Variants in ABCA6 observed in about 807,000 individuals in gnomAD.
ABCA6 encodes the protein ATP-binding cassette sub-family A member 6.
In ABCA6, 164 loss-of-function variants were observed where a neutral mutation model predicts 191.2. The observed-to-expected ratio is 0.86, with a 90% confidence interval of 0.76 to 0.98. The LOEUF (loss-of-function observed/expected upper bound fraction) is 0.98, where lower values mean the gene tolerates loss of function less well. ABCA6 is among the 50% of genes least tolerant of loss of function. ABCA6 has a pLI of 0.00. For synonymous variants in ABCA6, 636 were observed against 647.7 expected, an observed-to-expected ratio of 0.98 and a Z score of 0.27; for missense variants, 1,958 against 1,894.1, an observed-to-expected ratio of 1.03 and a Z score of -0.63.
At chr17:69,083,180 G>A (rs753588757) in intron 35 of ABCA6, 32 bp downstream of exon 35, 1 of 1,568,860 alleles carries the variant, frequency 6.4e-7, no homozygotes, top group Non-Finnish European at 8.6e-7. Context: ...CTCATTTTGA[G>A]CATCAAATGC....
intron 37 of ABCA6, 83 bp downstream of exon 37, chr17:69,080,983 G>T (rs191767675): frequency 2.3e-6 from 2 of 866,866 alleles, no homozygotes; most frequent in Middle Eastern, 2.3e-4. Context: ...TTAAAAAATT[G>T]TTACACAATT....
Position 69,088,212 on chromosome 17 carries a change from TC to T in ABCA6, c.3652del (p.Glu1218AsnfsTer2). The T allele has an allele frequency of 6.2e-7, 1 of 1,612,880 alleles. No individual in the cohort carries two copies. The highest frequency in any genetic ancestry group is 8.5e-7 in the Non-Finnish European group (1 of 1,179,378). On this transcript the variant is annotated frameshift_variant, in exon 28 of 39. Coordinates refer to ENST00000284425, the MANE Select transcript of ABCA6 (RefSeq NM_080284.3). LOFTEE classifies it high-confidence loss of function. ...LLFVFVLRCM[E>X]LKCGKKRMRK... The stretch of plus-strand genomic sequence containing the variant: ...CATTCTTTTCTTTCCACATTTTAGT[TC>T]CATGCATCTTAGAACAAAAACGAAT...
Position 69,097,967 on chromosome 17 carries a change from A to C in ABCA6, c.3073T>G (p.Cys1025Gly), listed in dbSNP as rs760048687. 1.2e-6 allele frequency: 2 copies of C among 1,612,206 alleles called. No individual in the cohort carries two copies. The highest frequency in any genetic ancestry group is 2.2e-5 in the South Asian group (2 of 90,764). Residue 1025 changes from cysteine (C) to glycine (G), a missense_variant, in exon 23 of 39, where the codon TGT becomes GGT. Physicochemically the swap from Cys to Gly is radical, Grantham distance 159. Coordinates refer to ENST00000284425, the MANE Select transcript of ABCA6 (RefSeq NM_080284.3). ...ATGGTGATATAAGGAGAAATGCTAC[A>C]TAGAACCAAAAATAAGAAAAAGGAA... ...DGSFFLFLVLCSISPYITMGS... is the reference protein window; with the variant it reads ...DGSFFLFLVLGSISPYITMGS...
chr17:69,085,805 G>T, intron 30 of ABCA6, 89 bp from the exon 31 acceptor site: 1 of 860,524 alleles, frequency 1.2e-6, no homozygotes. Context: ...TGAGATTTCT[G>T]CACCCTTCAG....
chr17:69,097,400 A>G (rs970707756), intron 23 of ABCA6, among the ~76,000 whole-genome samples: 8 of 152,134 alleles, frequency 5.3e-5, no homozygotes, highest in African/African-American at 1.9e-4. Flanking sequence ...CAAAAAAAAA[A>G]AAAAAAAAGT....
At chr17:69,086,596 T>A (rs1461255943) in intron 30 of ABCA6, 22 bp downstream of exon 30, 1 of 1,556,632 alleles carries the variant, frequency 6.4e-7, no homozygotes, top group Non-Finnish European at 8.8e-7. Flanking sequence ...AATGGTAAGT[T>A]TTAAAAGGGA....
chr17:69,098,955 T>C (rs1158416254), intron 22 of ABCA6, among the ~76,000 whole-genome samples: 4 of 152,164 alleles, frequency 2.6e-5, no homozygotes, highest in Non-Finnish European at 4.4e-5. Flanking sequence ...CATGTATTAT[T>C]ACCACAACAA....
At position 69,122,388 on chromosome 17, in the gene ABCA6, T is replaced by C. The variant is rs1313724448; in HGVS notation, c.1436+851A>G. On this transcript the variant is annotated intron_variant, in intron 10 of 38. Transcript: ENST00000284425. ...AAGCTATTTTGAAATCCATGATACTTGGGTTCAATCCCAAAACTGCTGAGT... is the reference window on the plus strand; with the variant it reads ...AAGCTATTTTGAAATCCATGATACTCGGGTTCAATCCCAAAACTGCTGAGT... 2.0e-5 allele frequency among the ~76,000 whole-genome samples: 3 copies of C among 152,026 alleles called. No individual in the cohort carries two copies. The East Asian group carries it at 5.8e-4, about 29-fold the overall frequency.
intron 38 of ABCA6, 55 bp downstream of exon 38, chr17:69,079,155 T>C (rs1225396179): frequency 6.3e-7 from 1 of 1,582,634 alleles, no homozygotes; most frequent in Non-Finnish European, 8.6e-7. Flanking sequence ...GGAAAATGCA[T>C]GTTGCTTTCA....
At position 69,105,595 on chromosome 17, in the gene ABCA6, C is replaced by T. The variant is rs2073282156; in HGVS notation, c.2607G>A (p.Leu869=). 1 of 1,539,164 alleles carries T rather than the reference C, an allele frequency of 6.5e-7. No homozygotes were observed. The highest frequency in any genetic ancestry group is 2.3e-5 in the East Asian group (1 of 44,416). Residue 869 remains leucine (L), a synonymous_variant, in exon 20 of 39, where the codon TTG becomes TTA. Transcript: ENST00000284425. ...TAGCATACATTATATTTTCAACAAT[C>T]AAAGGGAATATTGCGATTCCAAATA... ...LLVFGIAIFP[L]IVENIMYAML... is the part of the protein sequence containing the mutation.
chr17:69,107,880 A>G (rs918204044), intron 17 of ABCA6, 68 bp from the exon 18 acceptor site: 3 of 921,072 alleles, frequency 3.3e-6, no homozygotes, highest in African/African-American at 3.4e-5. Context: ...GTAAATTAAT[A>G]CTTATTTAAA....
chr17:69,082,292 T>G (rs535810386), intron 36 of ABCA6, among the ~76,000 whole-genome samples: 108 of 151,516 alleles, frequency 7.1e-4, no homozygotes, highest in African/African-American at 2.5e-3. Flanking sequence ...TGCTCCACCT[T>G]CTTGCCCTCC....
At chr17:69,091,861 A>G (rs1017640216) in intron 25 of ABCA6, among the ~76,000 whole-genome samples, 1 of 152,184 alleles carries the variant, frequency 6.6e-6, no homozygotes, top group Non-Finnish European at 1.5e-5. Context: ...AATTTAATCC[A>G]AGACAAGAGG....
intron 16 of ABCA6, 105 bp downstream of exon 16, chr17:69,112,078 A>G (rs1568019001): frequency 4.9e-6 from 4 of 820,864 alleles, no homozygotes; most frequent in Non-Finnish European, 8.3e-6. Flanking sequence ...TCAATCCAGT[A>G]TGGTAGAGAT....
chr17:69,081,435 G>A (rs952345180), intron 36 of ABCA6, among the ~76,000 whole-genome samples: 10 of 152,092 alleles, frequency 6.6e-5, no homozygotes, highest in South Asian at 2.1e-4. Flanking sequence ...TGATTAGTTC[G>A]AATTAGGTTG....
chr17:69,123,356 C>G lies in ABCA6; in HGVS notation c.1319G>C (p.Cys440Ser). The change falls in exon 10 of 39, where the codon TGT becomes TCT. Residue 440 changes from cysteine (C) to serine (S), a missense_variant. Coordinates refer to ENST00000284425, the MANE Select transcript of ABCA6 (RefSeq NM_080284.3). ...AGCATTAGTCCTTTGGTGTTGGAAA[C>G]AAGATGATGAATTCAAGAAAAATAA... The part of the protein sequence containing the change: ...SPLFFLNSSS[C>S]FQHQRTNAKV... 1 of 1,555,096 alleles carries G rather than the reference C, an allele frequency of 6.4e-7. No homozygotes were observed. The highest frequency in any genetic ancestry group is 8.7e-7 in the Non-Finnish European group (1 of 1,143,904).
intron 22 of ABCA6, among the ~76,000 whole-genome samples, chr17:69,100,073 G>A (rs2073141470): frequency 1.3e-5 from 2 of 152,288 alleles, no homozygotes; most frequent in East Asian, 1.9e-4. Flanking sequence ...TTCTTAGAGT[G>A]CAATTCCTTA....
chr17:69,100,241 A>G (rs1448151532), intron 22 of ABCA6, among the ~76,000 whole-genome samples: 1 of 152,200 alleles, frequency 6.6e-6, no homozygotes, highest in Admixed American at 6.5e-5. Context: ...ACTGCTTTCT[A>G]GTGTCCAAAC....
chr17:69,107,877 A>T (rs1326510524), intron 17 of ABCA6, 65 bp from the exon 18 acceptor site: 11 of 935,144 alleles, frequency 1.2e-5, no homozygotes, highest in Admixed American at 6.6e-5. Context: ...CAAGTAAATT[A>T]ATACTTATTT....
Sources: gnomAD v4.1 joint callset for allele counts (sites outside exome capture counted in the v4.1 genomes callset) on GRCh38, gnomAD v4.1.1 for gene constraint, MANE v1.5 for transcripts, NCBI Gene and HGNC (gene_info 2026-07-23, HGNC 2026-07-21) for gene names.